The following UGT1A8 variants were observed in gnomAD, a reference collection of about 807,000 sequenced individuals.
The protein encoded by UGT1A8 is UDP glucuronosyltransferase family 1 member A8, also known as UDP-glucuronosyltransferase 1A8.
A neutral mutation model predicts 45.3 loss-of-function variants in UGT1A8; 39 were observed. The observed-to-expected ratio is 0.86, with a 90% CI of 0.67 to 1.12. The LOEUF (loss-of-function observed/expected upper bound fraction) is 1.12, where lower values mean the gene tolerates loss of function less well. Ranked by LOEUF, UGT1A8 falls within the 50% of genes most tolerant of loss-of-function variation. UGT1A8 has a pLI of 0.00. For synonymous variants in UGT1A8, 275 were observed against 249.2 expected (o/e 1.10, Z -0.97); for missense variants, 719 against 664.9 (o/e 1.08, Z -0.90).
intron 1 of UGT1A8, among the ~76,000 whole-genome samples, chr2:233,685,504 A>T (rs1367783819): frequency 6.6e-6 from 1 of 152,240 alleles, no homozygotes; most frequent in African/African-American, 2.4e-5. Flanking sequence ...GGTTACAGCA[A>T]GAAAAGATCT....
At chr2:233,649,059 A>G (rs1191362825) in intron 1 of UGT1A8, 13 of 948,712 alleles carry the variant, frequency 1.4e-5, no homozygotes, top group Non-Finnish European at 1.8e-5. Context: ...CATTAAAAGT[A>G]TTCTGGATTT....
In UGT1A8 at chr2:233,760,736, C is replaced by T. The variant is rs371418452; in HGVS notation, c.856-6298C>T. ...GAAAGCAGCTTTGATGTCATGCTGA[C>T]GGACCCTTTCCTTCCTTGCAGCCCC... is the stretch of plus-strand genomic sequence containing the variant. On this transcript the variant is annotated intron_variant, in intron 1 of 4. Coordinates refer to ENST00000373450, the MANE Select transcript of UGT1A8 (RefSeq NM_019076.5). The T allele has an allele frequency of 6.2e-7, 1 of 1,614,160 alleles. No homozygotes were observed.
At chr2:233,672,291 AT>A (rs773627969) in intron 1 of UGT1A8, 3 of 1,613,624 alleles carry the variant, frequency 1.9e-6, no homozygotes, top group Non-Finnish European at 2.5e-6. Context: ...TTTTTGACTT[AT>A]TTTTTTCAAA....
chr2:233,661,507 G>T (rs1327818002), intron 1 of UGT1A8, among the ~76,000 whole-genome samples: 1 of 151,844 alleles, frequency 6.6e-6, no homozygotes, highest in Non-Finnish European at 1.5e-5. Context: ...TTCTACCTTG[G>T]CAGTGGAGTC....
At chr2:233,699,972 A>C (rs768298502) in intron 1 of UGT1A8, among the ~76,000 whole-genome samples, 1 of 152,052 alleles carries the variant, frequency 6.6e-6, no homozygotes, top group African/African-American at 2.4e-5. Flanking sequence ...CCGTCCCCCA[A>C]CTCCCAACAA....
At chr2:233,676,441 C>G (rs1226667479) in intron 1 of UGT1A8, among the ~76,000 whole-genome samples, 1 of 152,206 alleles carries the variant, frequency 6.6e-6, no homozygotes, top group African/African-American at 2.4e-5. Flanking sequence ...TCTCATGTTT[C>G]TATGGCACAT....
chr2:233,690,619 C>A (rs1210320022), intron 1 of UGT1A8: 6 of 1,289,180 alleles, frequency 4.7e-6, no homozygotes, highest in Non-Finnish European at 5.1e-6. Context: ...TGCCTGGACA[C>A]TCAAGTGATA....
intron 1 of UGT1A8, chr2:233,672,794 G>T: frequency 6.2e-7 from 1 of 1,612,768 alleles, no homozygotes; most frequent in Non-Finnish European, 8.5e-7. Flanking sequence ...CCTATGGTAA[G>T]TTATCTCTCC....
intron 1 of UGT1A8, among the ~76,000 whole-genome samples, chr2:233,724,344 CCCCCA>C (rs2077230928): frequency 6.9e-6 from 1 of 144,984 alleles, no homozygotes; most frequent in East Asian, 2.2e-4. Flanking sequence ...GGGCTGACCC[CCCCCA>C]CCTCCCTCCC....
intron 1 of UGT1A8, among the ~76,000 whole-genome samples, chr2:233,709,397 A>G (rs2076074225): frequency 6.6e-6 from 1 of 152,196 alleles, no homozygotes; most frequent in Non-Finnish European, 1.5e-5. Context: ...TTAATAATCT[A>G]TGGGTGAACA....
intron 1 of UGT1A8, among the ~76,000 whole-genome samples, chr2:233,759,538 A>G (rs1009544779): frequency 6.6e-6 from 1 of 152,036 alleles, no homozygotes; most frequent in Non-Finnish European, 1.5e-5. Context: ...TTCTGTTCAC[A>G]TGCGCTCCAG....
At chr2:233,662,269 A>G (rs929451361) in intron 1 of UGT1A8, among the ~76,000 whole-genome samples, 2 of 152,184 alleles carry the variant, frequency 1.3e-5, no homozygotes, top group Admixed American at 6.6e-5. Context: ...GTTGCTATAT[A>G]TATTTTAGGC....
intron 2 of UGT1A8, 41 bp downstream of exon 2, chr2:233,767,206 A>G: frequency 1.9e-6 from 3 of 1,613,184 alleles, no homozygotes; most frequent in Non-Finnish European, 2.5e-6. Context: ...CTATTTTCAC[A>G]GGAGCGCTAA....
chr2:233,762,815 T>C (rs1334118608), intron 1 of UGT1A8, among the ~76,000 whole-genome samples: 4 of 152,182 alleles, frequency 2.6e-5, no homozygotes, highest in Non-Finnish European at 5.9e-5. Flanking sequence ...ATCAAAATAT[T>C]GATTTTCATA....
rs2072928598 is a variant in UGT1A8, at chr2:233,617,800, G to A, written c.93G>A (p.Val31=). The part of the protein sequence containing the change: ...GFAEAGKLLV[V]PMDGSHWFTM... Reference sequence around the variant, plus strand: ...CTGAGGCAGGGAAGCTGCTGGTAGTGCCCATGGATGGGAGTCACTGGTTCA... The same window carrying A: ...CTGAGGCAGGGAAGCTGCTGGTAGTACCCATGGATGGGAGTCACTGGTTCA... Residue 31 remains valine (V), a synonymous_variant, in exon 1 of 5, where the codon GTG becomes GTA. Coordinates refer to ENST00000373450, the MANE Select transcript of UGT1A8 (RefSeq NM_019076.5). 6.2e-7 allele frequency: 1 copy of A among 1,613,962 alleles called. No individual in the cohort carries two copies. The highest frequency in any genetic ancestry group is 1.3e-5 in the African/African-American group (1 of 74,902).
intron 1 of UGT1A8, among the ~76,000 whole-genome samples, chr2:233,732,534 T>G (rs1352796772): frequency 6.6e-6 from 1 of 152,222 alleles, no homozygotes; most frequent in East Asian, 1.9e-4. Context: ...ATATGGCCAG[T>G]TTTCCCAGCA....
At chr2:233,763,025 C>T (rs532955500) in intron 1 of UGT1A8, among the ~76,000 whole-genome samples, 9 of 152,224 alleles carry the variant, frequency 5.9e-5, no homozygotes, top group African/African-American at 2.2e-4. Context: ...ATTATGTTAG[C>T]CATTGTTTTC....
chr2:233,771,661 T>C (rs899762223), intron 4 of UGT1A8: 2 of 152,426 alleles, frequency 1.3e-5, no homozygotes, highest in African/African-American at 4.8e-5. Context: ...TAATGAAATT[T>C]CTCACAAAAT....
intron 1 of UGT1A8, among the ~76,000 whole-genome samples, chr2:233,694,115 C>G (rs535422015): frequency 2.0e-5 from 3 of 152,126 alleles, no homozygotes; most frequent in Non-Finnish European, 4.4e-5. Context: ...TAATCTGGGA[C>G]AGTCACATAC....
Sources: gnomAD v4.1 joint callset for allele counts (sites outside exome capture counted in the v4.1 genomes callset) on GRCh38, gnomAD v4.1.1 for gene constraint, MANE v1.5 for transcripts, NCBI Gene and HGNC (gene_info 2026-07-23, HGNC 2026-07-21) for gene names.